The following ANK3 variants were observed in gnomAD, a reference collection of about 807,000 sequenced individuals.
The protein encoded by ANK3 is ankyrin 3, also known as ankyrin-3.
Under a neutral mutation model 370.9 loss-of-function variants are expected in ANK3, and 57 were observed. That is an observed-to-expected ratio of 0.15 (90% CI 0.12 to 0.19). The LOEUF is 0.19. Ranked by LOEUF, ANK3 falls within the 10% of genes least tolerant of loss-of-function variation. The probability of loss-of-function intolerance (pLI) is 1.00; values close to 1 mark genes in which losing one functional copy is unlikely to be tolerated. For synonymous variants in ANK3, 1,929 were observed against 1,946.3 expected (o/e 0.99, Z 0.23); for missense variants, 4,439 against 5,302.1 (o/e 0.84, Z 5.06).
intron 2 of ANK3, among the ~76,000 whole-genome samples, chr10:60,473,241 T>C (rs1321177657): frequency 3.3e-5 from 5 of 152,204 alleles, no homozygotes; most frequent in African/African-American, 4.8e-5. Flanking sequence ...TGCCTAAAAA[T>C]ATGTTAATAG....
At chr10:60,395,584 C>CTTTTCTTTCTTTCT in intron 2 of ANK3, among the ~76,000 whole-genome samples, 3 of 125,442 alleles carry the variant, frequency 2.4e-5, no homozygotes, top group African/African-American at 1.0e-4. Context: ...TTCTTTCTTT[C>CTTTTCTTTCTTTCT]TTTCTTTCTT....
intron 2 of ANK3, among the ~76,000 whole-genome samples, chr10:60,396,702 T>C (rs957192854): frequency 2.6e-5 from 4 of 152,318 alleles, no homozygotes; most frequent in East Asian, 3.9e-4. Context: ...CGTAATTTAA[T>C]GTCTATATAG....
At chr10:60,558,546 A>C (rs1290373911) in intron 2 of ANK3, among the ~76,000 whole-genome samples, 2 of 152,158 alleles carry the variant, frequency 1.3e-5, no homozygotes, top group Non-Finnish European at 2.9e-5. Context: ...TCTCTTATAT[A>C]CCACCCTATT....
chr10:60,269,831 C>T (rs1297414694), intron 5 of ANK3, among the ~76,000 whole-genome samples: 3 of 151,952 alleles, frequency 2.0e-5, no homozygotes, highest in Non-Finnish European at 2.9e-5. Flanking sequence ...ATTGCCTTTG[C>T]CTATAAGCCA....
At chr10:60,501,588 C>T (rs1204705432) in intron 2 of ANK3, among the ~76,000 whole-genome samples, 1 of 151,490 alleles carries the variant, frequency 6.6e-6, no homozygotes, top group Non-Finnish European at 1.5e-5. Context: ...ACCTGTAATG[C>T]CAGCTAGCTG....
At chr10:60,318,063 A>T (rs1039885456) in intron 1 of ANK3, among the ~76,000 whole-genome samples, 3 of 152,122 alleles carry the variant, frequency 2.0e-5, no homozygotes, top group African/African-American at 7.2e-5. Context: ...AATTTATAGA[A>T]ATGGTTTATT....
At chr10:60,109,140 T>A (rs2092472543) in intron 26 of ANK3, 86 bp from the exon 27 acceptor site, 2 of 1,027,604 alleles carry the variant, frequency 1.9e-6, no homozygotes, top group Non-Finnish European at 2.9e-6. Context: ...TTAAGTTTAT[T>A]TAAAGCGACA....
intron 23 of ANK3, chr10:60,140,531 A>G (rs2094516450): frequency 4.1e-6 from 6 of 1,450,182 alleles, no homozygotes; most frequent in African/African-American, 1.4e-5. Flanking sequence ...ATATCCTCGT[A>G]GGCAATTGAG....
At chr10:60,722,147 G>A (rs930146235) in intron 1 of ANK3, among the ~76,000 whole-genome samples, 1 of 152,024 alleles carries the variant, frequency 6.6e-6, no homozygotes, top group Non-Finnish European at 1.5e-5. Flanking sequence ...GCACCCCACA[G>A]CAGCTTTTCA....
intron 1 of ANK3, among the ~76,000 whole-genome samples, chr10:60,337,815 C>A (rs1186174084): frequency 6.6e-6 from 1 of 152,208 alleles, no homozygotes; most frequent in Non-Finnish European, 1.5e-5. Context: ...ATTACTCACA[C>A]ATCCTGGTGA....
intron 21 of ANK3, among the ~76,000 whole-genome samples, chr10:60,168,359 TC>T (rs1344887545): frequency 6.6e-6 from 1 of 152,212 alleles, no homozygotes; most frequent in Non-Finnish European, 1.5e-5. Flanking sequence ...ATGGAAAATA[TC>T]ACAATTAATG....
intron 25 of ANK3, among the ~76,000 whole-genome samples, chr10:60,115,096 C>T (rs1258413098): frequency 6.6e-6 from 1 of 152,052 alleles, no homozygotes; most frequent in Non-Finnish European, 1.5e-5. Flanking sequence ...CAAAACCTAA[C>T]CAGAAATATC....
intron 40 of ANK3, chr10:60,059,792 G>T: frequency 6.2e-7 from 1 of 1,614,228 alleles, no homozygotes; most frequent in South Asian, 1.1e-5. Context: ...TGTCTTCTAA[G>T]GAAGCGTCTT....
intron 42 of ANK3, among the ~76,000 whole-genome samples, chr10:60,045,005 T>C (rs992462833): frequency 1.3e-5 from 2 of 152,098 alleles, no homozygotes; most frequent in African/African-American, 4.8e-5. Context: ...ATAGATAAAA[T>C]CAATACCAAG....
chr10:60,705,824 CTTTTTT>C (rs11294932), intron 1 of ANK3, among the ~76,000 whole-genome samples: 2 of 94,508 alleles, frequency 2.1e-5, no homozygotes, highest in South Asian at 3.1e-4. Context: ...TTTTTTCTTT[CTTTTTT>C]TTTTTTTTTT....
In ANK3 at chr10:60,213,196, A is replaced by G. The variant is rs1256375186; in HGVS notation, c.996+216T>C. Among the ~76,000 whole-genome samples the G allele has an allele frequency of 2.0e-5, 3 of 152,154 alleles. No individual in the cohort carries two copies. In the East Asian group the frequency reaches 5.8e-4, roughly 29 times the overall value. On this transcript the variant is annotated intron_variant, in intron 9 of 43. Transcript: ENST00000280772. ...CAGTAAGCATTCCTGAAACACAACA[A>G]AAACCACACACACACAAACAACTTT...
rs766172185 is a variant in ANK3, at chr10:60,140,267, G to A, written c.2615-1180C>T. The A allele has an allele frequency of 3.1e-4, 432 of 1,384,706 alleles. 1 individual carries two copies. Among genetic ancestry groups the A allele is most frequent in the Non-Finnish European group, 4.1e-4 (402 of 972,464 alleles). 85.8% of individuals were successfully genotyped at this position (1,384,706 alleles called of 1,614,324 possible). A position where few individuals can be genotyped will look rare whatever the true frequency, so the allele number is the denominator to read the frequency against. ...ACCCAGTACCAAGAGATTATTTTAA[G>A]TAACTATTTACGGCTGGGCTATTTG... On this transcript the variant is annotated intron_variant, in intron 23 of 43. Transcript: ENST00000280772.
intron 1 of ANK3, among the ~76,000 whole-genome samples, chr10:60,616,264 T>C (rs2078266586): frequency 6.6e-6 from 1 of 152,178 alleles, no homozygotes; most frequent in Non-Finnish European, 1.5e-5. Context: ...TTATTTAATC[T>C]TCACAACTTC....
chr10:60,641,380 G>A (rs1588958904), intron 1 of ANK3, among the ~76,000 whole-genome samples: 1 of 152,012 alleles, frequency 6.6e-6, no homozygotes, highest in Admixed American at 6.6e-5. Flanking sequence ...ACTTCAAACT[G>A]TACTACAAGG....
Sources: gnomAD v4.1 joint callset for allele counts (sites outside exome capture counted in the v4.1 genomes callset) on GRCh38, gnomAD v4.1.1 for gene constraint, MANE v1.5 for transcripts, NCBI Gene and HGNC (gene_info 2026-07-23, HGNC 2026-07-21) for gene names.